ATP8A2: variants seen among roughly 807,000 people sequenced by gnomAD.
The protein encoded by ATP8A2 is phospholipid-transporting ATPase IB.
A neutral mutation model predicts 165.6 loss-of-function variants in ATP8A2; 100 were observed. That is an observed-to-expected ratio of 0.60 (90% CI 0.51 to 0.71). The LOEUF (loss-of-function observed/expected upper bound fraction) is 0.71, where lower values mean the gene tolerates loss of function less well. ATP8A2 is among the 30% of genes least tolerant of loss of function. The probability of loss-of-function intolerance (pLI) is 0.00; values close to 1 mark genes in which losing one functional copy is unlikely to be tolerated. For synonymous variants in ATP8A2, 543 were observed against 548.8 expected, an observed-to-expected ratio of 0.99 and a Z score of 0.15; for missense variants, 1,227 against 1,479.5, an observed-to-expected ratio of 0.83 and a Z score of 2.80.
chr13:25,559,229 A>C (rs1287869498), intron 14 of ATP8A2, among the ~76,000 whole-genome samples, 168 bp downstream of exon 14: 1 of 152,238 alleles, frequency 6.6e-6, no homozygotes, highest in East Asian at 1.9e-4. Context: ...AACTCTGAAC[A>C]GTTAAAACAT....
chr13:25,405,191 A>G (rs2033762009), intron 1 of ATP8A2, among the ~76,000 whole-genome samples: 1 of 152,176 alleles, frequency 6.6e-6, no homozygotes, highest in Admixed American at 6.5e-5. Flanking sequence ...AGGCCTGATT[A>G]CAGTGCAGAA....
chr13:25,757,407 G>C (rs529046110), intron 25 of ATP8A2, among the ~76,000 whole-genome samples: 1 of 152,170 alleles, frequency 6.6e-6, no homozygotes, highest in African/African-American at 2.4e-5. Flanking sequence ...TGGATGGCAG[G>C]TCATTTTGTT....
intron 35 of ATP8A2, among the ~76,000 whole-genome samples, chr13:25,991,612 A>G (rs943802598): frequency 2.0e-5 from 3 of 152,232 alleles, no homozygotes; most frequent in Non-Finnish European, 4.4e-5. Flanking sequence ...ACCTTTTGTT[A>G]GTGACATTTT....
chr13:25,781,620 C>G (rs1042898837), intron 27 of ATP8A2, among the ~76,000 whole-genome samples: 1 of 152,036 alleles, frequency 6.6e-6, no homozygotes, highest in Non-Finnish European at 1.5e-5. Context: ...TCCCAAGTAA[C>G]TGGAATTACA....
At chr13:25,919,660 C>A (rs922015577) in intron 33 of ATP8A2, among the ~76,000 whole-genome samples, 33 of 152,250 alleles carry the variant, frequency 2.2e-4, no homozygotes, top group Admixed American at 7.2e-4. Flanking sequence ...CCCATCACTG[C>A]CCCTCATACT....
chr13:25,693,128 C>G (rs889443676), intron 24 of ATP8A2, among the ~76,000 whole-genome samples: 1 of 152,114 alleles, frequency 6.6e-6, no homozygotes, highest in East Asian at 1.9e-4. Flanking sequence ...AGCAACTGGA[C>G]TAAATAGGCA....
chr13:25,718,982 G>A (rs537803060), intron 25 of ATP8A2, among the ~76,000 whole-genome samples: 1 of 152,124 alleles, frequency 6.6e-6, no homozygotes. Context: ...GGCATTTTCT[G>A]CATGTTTCGG....
intron 1 of ATP8A2, among the ~76,000 whole-genome samples, chr13:25,379,235 G>C (rs2032749337): frequency 6.6e-6 from 1 of 152,194 alleles, no homozygotes; most frequent in South Asian, 2.1e-4. Flanking sequence ...TCTATCTCTA[G>C]AGATACTGTG....
At chr13:25,544,696 A>G (rs535938280) in intron 10 of ATP8A2, among the ~76,000 whole-genome samples, 27 of 152,128 alleles carry the variant, frequency 1.8e-4, no homozygotes, top group South Asian at 4.2e-4. Context: ...AGGCCATTCA[A>G]TGTTGACAAG....
intron 33 of ATP8A2, among the ~76,000 whole-genome samples, chr13:25,918,648 C>A (rs60514011): frequency 2.0e-5 from 3 of 152,088 alleles, no homozygotes; most frequent in Admixed American, 1.3e-4. Context: ...GCCTCCCCCC[C>A]GCAACAATAA....
At chr13:25,834,450 A>G (rs1276698855) in intron 28 of ATP8A2, among the ~76,000 whole-genome samples, 3 of 152,220 alleles carry the variant, frequency 2.0e-5, no homozygotes, top group Non-Finnish European at 2.9e-5. Context: ...AATATAGTAT[A>G]GATATGTATT....
intron 2 of ATP8A2, among the ~76,000 whole-genome samples, chr13:25,478,009 A>G (rs2036043428): frequency 6.6e-6 from 1 of 152,238 alleles, no homozygotes; most frequent in South Asian, 2.1e-4. Context: ...GAGAATAGGA[A>G]TGAAATGCTA....
chr13:25,940,233 G>T (rs764451065), intron 33 of ATP8A2, among the ~76,000 whole-genome samples: 1 of 151,958 alleles, frequency 6.6e-6, no homozygotes, highest in East Asian at 1.9e-4. Context: ...GCCCCTTCCC[G>T]GTGGCTCTTC....
At chr13:25,425,351 A>C (rs1435681231) in intron 1 of ATP8A2, among the ~76,000 whole-genome samples, 13 of 152,142 alleles carry the variant, frequency 8.5e-5, no homozygotes, top group African/African-American at 2.9e-4. Flanking sequence ...GCCTGAAAAA[A>C]ATTAACTAGG....
chr13:25,696,202 TA>T (rs1156942758), intron 24 of ATP8A2, among the ~76,000 whole-genome samples: 2 of 152,234 alleles, frequency 1.3e-5, no homozygotes, highest in African/African-American at 4.8e-5. Context: ...ACAGTGGGCT[TA>T]ATGTTCGGTA....
At chr13:25,782,222 C>G (rs1050201286) in intron 27 of ATP8A2, among the ~76,000 whole-genome samples, 1 of 152,216 alleles carries the variant, frequency 6.6e-6, no homozygotes, top group African/African-American at 2.4e-5. Context: ...TCTGCCTTGG[C>G]AGAGTTAGCT....
rs766516551 is a variant in ATP8A2, at chr13:25,551,435, T to A, written c.989T>A (p.Val330Glu). ...LFGILLVMALVSSAGALYWNR... is the reference protein window; with the variant it reads ...LFGILLVMALESSAGALYWNR... Reference sequence around the variant, plus strand: ...GGCATCCTCTTGGTCATGGCCTTGGTGAGCTCGGCGGGGGCCCTGTACTGG... The same window carrying A: ...GGCATCCTCTTGGTCATGGCCTTGGAGAGCTCGGCGGGGGCCCTGTACTGG... The change falls in exon 11 of 37, where the codon GTG (valine) becomes GAG (glutamate). Residue 330 changes from valine to glutamate, a missense_variant. Coordinates refer to ENST00000381655, the MANE Select transcript of ATP8A2 (RefSeq NM_016529.6). 1.2e-6 allele frequency: 2 copies of A among 1,614,122 alleles called. No homozygotes were observed. The highest frequency in any genetic ancestry group is 2.2e-5 in the South Asian group (2 of 91,068).
At chr13:25,632,016 A>C (rs2041252621) in intron 24 of ATP8A2, among the ~76,000 whole-genome samples, 1 of 151,380 alleles carries the variant, frequency 6.6e-6, no homozygotes, top group South Asian at 2.1e-4. Flanking sequence ...CGCAAGCCCC[A>C]CCCCCTGACA....
At chr13:25,512,471 C>T (rs1430564022) in intron 2 of ATP8A2, among the ~76,000 whole-genome samples, 2 of 151,964 alleles carry the variant, frequency 1.3e-5, no homozygotes, top group Non-Finnish European at 2.9e-5. Flanking sequence ...GCAGAGGCAC[C>T]CCTCATCTCC....
Sources: allele counts gnomAD v4.1 joint callset (sites outside exome capture counted in the v4.1 genomes callset), GRCh38; gene constraint gnomAD v4.1.1; transcripts MANE v1.5; gene names NCBI Gene and HGNC (gene_info 2026-07-23, HGNC 2026-07-21).